ALDH4A1: variants seen among roughly 807,000 people sequenced by gnomAD.
The protein encoded by ALDH4A1 is aldehyde dehydrogenase 4 family member A1, also known as delta-1-pyrroline-5-carboxylate dehydrogenase, mitochondrial.
In ALDH4A1, 46 loss-of-function variants were observed where a neutral mutation model predicts 70.5. The observed-to-expected ratio is 0.65, with a 90% CI of 0.51 to 0.83. The LOEUF (loss-of-function observed/expected upper bound fraction) is 0.83, where lower values mean the gene tolerates loss of function less well. ALDH4A1 is among the 40% of genes least tolerant of loss of function. The pLI, the probability that ALDH4A1 is intolerant of heterozygous loss-of-function variation, is 0.00. For missense variants in ALDH4A1, 749 were observed against 766.5 expected, an observed-to-expected ratio of 0.98 and a Z score of 0.27; for synonymous variants, 323 against 324.3, an observed-to-expected ratio of 1.00 and a Z score of 0.04.
In ALDH4A1 at chr1:18,885,542, G is replaced by C. The variant is rs1935164896; in HGVS notation, c.384C>G (p.Phe128Leu). 6.2e-7 allele frequency: 1 copy of C among 1,610,554 alleles called. No individual in the cohort carries two copies. Among genetic ancestry groups the C allele is most frequent in the African/African-American group, 1.3e-5 (1 of 74,866 alleles). ...CACTCAGCATGTCTGCCGCCTTCAG[G>C]AAGATCTGGGCCCGGTCTGCAATAG... ...LKPIADRAQIFLKAADMLSGP... is the reference protein window; with the variant it reads ...LKPIADRAQILLKAADMLSGP... Residue 128 changes from phenylalanine (F) to leucine (L), a missense_variant, in exon 5 of 15, where the codon TTC becomes TTG. Phe to Leu is a conservative substitution (Grantham distance 22). Transcript: ENST00000375341.
At chr1:18,882,612 C>T (rs777244652) in intron 7 of ALDH4A1, 18 of 536,936 alleles carry the variant, frequency 3.4e-5, no homozygotes, top group Non-Finnish European at 6.5e-5. Context: ...AAGTAAGTCA[C>T]GGCTGTGTGT....
Position 18,872,293 on chromosome 1 carries a change from C to A in ALDH4A1, c.*552G>T, listed in dbSNP as rs1422722537. 6.5e-6 allele frequency: 1 copy of A among 152,988 alleles called. No individual in the cohort carries two copies. Among genetic ancestry groups the A allele is most frequent in the Non-Finnish European group, 1.5e-5 (1 of 68,604 alleles). The allele number at this position is 152,988 out of a possible 1,614,324, so 9.5% of individuals were successfully genotyped here. On this transcript the variant is annotated 3_prime_UTR_variant, in exon 15 of 15. Transcript: ENST00000375341. Reference sequence around the variant, plus strand: ...AGCATCTAAGGTGTGTGGCTGGGGACAGGGGCCTACTGGCCCAGGTGGGTC... The same window carrying A: ...AGCATCTAAGGTGTGTGGCTGGGGAAAGGGGCCTACTGGCCCAGGTGGGTC...
Position 18,879,280 on chromosome 1 carries a change from G to A in ALDH4A1, c.940+20C>T. 5.0e-6 allele frequency: 8 copies of A among 1,597,826 alleles called. No homozygotes were observed. Among genetic ancestry groups the A allele is most frequent in the Non-Finnish European group, 6.8e-6 (8 of 1,171,924 alleles). ...GGGTCCCTGGGGCCACACGGGAGGA[G>A]GAGGTGAGGCAGGCCTTACCTCCAG... On this transcript the variant is annotated intron_variant, in intron 9 of 14. Transcript: ENST00000375341.
At chr1:18,897,827 C>G (rs1935674712) in intron 1 of ALDH4A1, among the ~76,000 whole-genome samples, 1 of 152,208 alleles carries the variant, frequency 6.6e-6, no homozygotes, top group Non-Finnish European at 1.5e-5. Flanking sequence ...CTCATTTCCA[C>G]CTGAGGAAAG....
intron 14 of ALDH4A1, among the ~76,000 whole-genome samples, chr1:18,873,380 G>A (rs539695658): frequency 3.6e-4 from 55 of 152,256 alleles, no homozygotes; most frequent in African/African-American, 1.3e-3. Context: ...AGTGTCTTCC[G>A]TTATTCATAA....
chr1:18,872,715 G>T lies in ALDH4A1; in HGVS notation c.*130C>A. 1.4e-6 allele frequency: 1 copy of T among 718,030 alleles called. No homozygotes were observed. The highest frequency in any genetic ancestry group is 2.4e-6 in the Non-Finnish European group (1 of 413,478). 44.5% of individuals were successfully genotyped at this position (718,030 alleles called of 1,614,324 possible). ...AGAGGCCAGAATACAGTGGTAAGAA[G>T]GGAGTCAAGCCCGGATTATAGAAAG... is the stretch of plus-strand genomic sequence containing the variant. On this transcript the variant is annotated 3_prime_UTR_variant, in exon 15 of 15. Coordinates refer to ENST00000375341, the MANE Select transcript of ALDH4A1 (RefSeq NM_003748.4).
intron 5 of ALDH4A1, chr1:18,885,225 G>C (rs1364326496): frequency 7.1e-6 from 4 of 563,456 alleles, no homozygotes; most frequent in Non-Finnish European, 1.3e-5. Flanking sequence ...GCCTAGGAGC[G>C]AGGACAGAGG....
chr1:18,897,261 G>A (rs1010177733), intron 1 of ALDH4A1: 20 of 347,714 alleles, frequency 5.8e-5, no homozygotes, highest in South Asian at 3.2e-4. Flanking sequence ...AAACACTTCC[G>A]GCCAGGCGCA....
chr1:18,876,403 G>A lies in ALDH4A1; in HGVS notation c.1250C>T (p.Ala417Val), dbSNP rs1332281936. 1.2e-6 allele frequency: 2 copies of A among 1,613,146 alleles called. No homozygotes were observed. The highest frequency in any genetic ancestry group is 1.7e-6 in the Non-Finnish European group (2 of 1,179,754). Residue 417 changes from alanine (A) to valine (V), a missense_variant, in exon 12 of 15, where the codon GCC becomes GTC. Coordinates refer to ENST00000375341, the MANE Select transcript of ALDH4A1 (RefSeq NM_003748.4). ...ARSSPSLTIL[A>V]GGKCDDSVGY... is the part of the protein sequence containing the mutation. ...CACGGAGTCATCACACTTGCCCCCG[G>A]CCAGGATGGTGAGGCTGGGTGAGGA... is the stretch of plus-strand genomic sequence containing the variant.
chr1:18,876,577 G>T (rs1174205473), intron 11 of ALDH4A1, 110 bp from the exon 12 acceptor site: 7 of 1,299,266 alleles, frequency 5.4e-6, no homozygotes, highest in Non-Finnish European at 7.3e-6. Flanking sequence ...CCCAACTCCT[G>T]AAACAGGGGC....
Position 18,886,448 on chromosome 1 carries a change from A to T in ALDH4A1, c.297+16T>A, listed in dbSNP as rs1477268568. 1 of 1,614,096 alleles carries T rather than the reference A, an allele frequency of 6.2e-7. No individual in the cohort carries two copies. Among genetic ancestry groups the T allele is most frequent in the South Asian group, 1.1e-5 (1 of 91,076 alleles). On this transcript the variant is annotated intron_variant, in intron 4 of 14. Transcript: ENST00000375341. ...CAACCCTAACCCCGGGTCACCAGGCACACAGGCTCACTCACCTTGTCTGCA... is the reference window on the plus strand; with the variant it reads ...CAACCCTAACCCCGGGTCACCAGGCTCACAGGCTCACTCACCTTGTCTGCA...
At chr1:18,890,500 T>C (rs979934462) in intron 1 of ALDH4A1, among the ~76,000 whole-genome samples, 3 of 152,098 alleles carry the variant, frequency 2.0e-5, no homozygotes, top group Admixed American at 6.5e-5. Flanking sequence ...TGAGCCGAGA[T>C]CGTGCCACTG....
chr1:18,873,216 G>T (rs1934522940), intron 14 of ALDH4A1, among the ~76,000 whole-genome samples: 1 of 152,126 alleles, frequency 6.6e-6, no homozygotes, highest in Admixed American at 6.5e-5. Flanking sequence ...ATGTCTAAGA[G>T]GCAGGGTGTG....
chr1:18,895,874 A>G (rs1935599597), intron 1 of ALDH4A1, among the ~76,000 whole-genome samples: 1 of 152,220 alleles, frequency 6.6e-6, no homozygotes, highest in Admixed American at 6.5e-5. Flanking sequence ...CAAAGTTAAC[A>G]TGAAAATCTG....
chr1:18,881,274 T>C (rs1418769688), intron 8 of ALDH4A1, among the ~76,000 whole-genome samples: 3 of 152,130 alleles, frequency 2.0e-5, no homozygotes, highest in Admixed American at 2.0e-4. Context: ...ACATATATAT[T>C]CTTCTCCTGC....
At chr1:18,900,364 G>C (rs889456071) in intron 1 of ALDH4A1, among the ~76,000 whole-genome samples, 2 of 152,280 alleles carry the variant, frequency 1.3e-5, no homozygotes, top group Non-Finnish European at 2.9e-5. Flanking sequence ...CATGTCACGG[G>C]TGTGCTCTAA....
At position 18,880,582 on chromosome 1, in the gene ALDH4A1, G is replaced by A. The variant is rs1208287476; in HGVS notation, c.866+1118C>T. 6.6e-6 allele frequency among the ~76,000 whole-genome samples: 1 copy of A among 152,094 alleles called. No individual in the cohort carries two copies. The highest frequency in any genetic ancestry group is 2.4e-5 in the African/African-American group (1 of 41,404). On this transcript the variant is annotated intron_variant, in intron 8 of 14. Transcript: ENST00000375341. This position sits in a 1 kb window ranked among gnomAD's most constrained non-coding sequence, Gnocchi z 5.1. ...CACAGAGAGATCACTGAGAATGAGG[G>A]TGCCAACACAGGGGCCCAGAGGAGC...
Position 18,879,369 on chromosome 1 carries a change from A to T in ALDH4A1, c.871T>A (p.Phe291Ile). The change falls in exon 9 of 15, where the codon TTC becomes ATC. Residue 291 changes from phenylalanine to isoleucine, a missense_variant. By Grantham distance (21) the Phe-to-Ile change is conservative. Transcript: ENST00000375341. ...GINFTGSVPT[F>I]KHLWKQVAQN... is the part of the protein sequence containing the mutation. Reference sequence around the variant, plus strand: ...GCCACCTGCTTCCACAGGTGTTTGAAGGTGCTGGAACCACAGGAGAAAGGG... The same window carrying T: ...GCCACCTGCTTCCACAGGTGTTTGATGGTGCTGGAACCACAGGAGAAAGGG... 6.2e-7 allele frequency: 1 copy of T among 1,610,608 alleles called. No individual in the cohort carries two copies. The highest frequency in any genetic ancestry group is 8.5e-7 in the Non-Finnish European group (1 of 1,178,600).
At chr1:18,881,915 T>G in intron 7 of ALDH4A1, 28 bp from the exon 8 acceptor site, 1 of 1,605,524 alleles carries the variant, frequency 6.2e-7, no homozygotes, top group South Asian at 1.1e-5. Flanking sequence ...CAGTGATGCA[T>G]GAGGATGGCG....
Sources: gnomAD v4.1 joint callset for allele counts (sites outside exome capture counted in the v4.1 genomes callset) on GRCh38, gnomAD v4.1.1 for gene constraint, Gnocchi (gnomAD v3.1) non-coding constraint, MANE v1.5 for transcripts, NCBI Gene and HGNC (gene_info 2026-07-23, HGNC 2026-07-21) for gene names.